The following GLYAT variants were observed in gnomAD, a reference collection of about 807,000 sequenced individuals.
GLYAT encodes the protein glycine N-acyltransferase.
GLYAT carries 25 observed loss-of-function variants against 22.8 expected under a neutral mutation model. That is an observed-to-expected ratio of 1.09 (90% CI 0.80 to 1.53). The LOEUF (loss-of-function observed/expected upper bound fraction) is 1.53, where lower values mean the gene tolerates loss of function less well. Among genes scored for constraint, GLYAT ranks in the 40% most tolerant of loss-of-function variants. The pLI, the probability that GLYAT is intolerant of heterozygous loss-of-function variation, is 0.00. For synonymous variants in GLYAT, 140 were observed against 122.7 expected, an observed-to-expected ratio of 1.14 and a Z score of -0.93; for missense variants, 411 against 353.9, an observed-to-expected ratio of 1.16 and a Z score of -1.29.
At chr11:58,724,871 C>T (rs1856796686) in intron 1 of GLYAT, among the ~76,000 whole-genome samples, 1 of 152,054 alleles carries the variant, frequency 6.6e-6, no homozygotes, top group South Asian at 2.1e-4. Flanking sequence ...CTCTCTGTAC[C>T]TTGGTTTCCT....
chr11:58,709,597 A>C lies in GLYAT; in HGVS notation c.*169T>G. On this transcript the variant is annotated 3_prime_UTR_variant, in exon 6 of 6. Coordinates refer to ENST00000344743, the MANE Select transcript of GLYAT (RefSeq NM_201648.3). ...CTGCTTCCCACTGAGAAACCTGTGA[A>C]TGCAGGGACCATGGCGATGCTGTTG... 1.5e-6 allele frequency: 1 copy of C among 645,460 alleles called. No individual in the cohort carries two copies. Among genetic ancestry groups the C allele is most frequent in the Non-Finnish European group, 2.5e-6 (1 of 394,782 alleles). The allele number at this position is 645,460 out of a possible 1,614,324, so 40.0% of individuals were successfully genotyped here.
intron 1 of GLYAT, among the ~76,000 whole-genome samples, chr11:58,729,597 A>G (rs986407467): frequency 6.6e-6 from 1 of 152,204 alleles, no homozygotes; most frequent in Non-Finnish European, 1.5e-5. Context: ...GAATGATTGA[A>G]TACATGAAAT....
intron 4 of GLYAT, among the ~76,000 whole-genome samples, chr11:58,712,459 C>A (rs1423028337): frequency 2.6e-5 from 4 of 152,026 alleles, no homozygotes; most frequent in Non-Finnish European, 5.9e-5. Context: ...GAATAGAAGT[C>A]CAGAGGGAAG....
chr11:58,721,483 C>CA (rs1283086788), intron 2 of GLYAT, among the ~76,000 whole-genome samples: 1 of 150,836 alleles, frequency 6.6e-6, no homozygotes, highest in African/African-American at 2.4e-5. Context: ...CAAAACAAAA[C>CA]AAAAAAACTT....
At chr11:58,720,652 A>G (rs1856738066) in intron 2 of GLYAT, among the ~76,000 whole-genome samples, 1 of 152,048 alleles carries the variant, frequency 6.6e-6, no homozygotes, top group Non-Finnish European at 1.5e-5. Flanking sequence ...CAGGATTAGA[A>G]GTTATGGTGA....
intron 1 of GLYAT, among the ~76,000 whole-genome samples, chr11:58,730,316 A>T (rs1443690412): frequency 2.0e-5 from 3 of 152,110 alleles, no homozygotes; most frequent in Admixed American, 2.0e-4. Flanking sequence ...TCTCTACAAA[A>T]ATAAAAATTA....
chr11:58,720,858 T>C (rs1202436834), intron 2 of GLYAT, among the ~76,000 whole-genome samples: 1 of 152,000 alleles, frequency 6.6e-6, no homozygotes, highest in African/African-American at 2.4e-5. Flanking sequence ...GCAAACAAAA[T>C]GTATGCTGGT....
intron 2 of GLYAT, among the ~76,000 whole-genome samples, chr11:58,719,444 C>A (rs608998): frequency 0.97 from 147,661 of 152,068 alleles, 71,805 homozygotes; most frequent in African/African-American, 0.99. Flanking sequence ...TGTTAATCTG[C>A]CACAGGGGTC....
At chr11:58,710,370 C>T (rs1856598695) in intron 5 of GLYAT, 1 of 882,600 alleles carries the variant, frequency 1.1e-6, no homozygotes, top group Admixed American at 2.9e-5. Flanking sequence ...AATAAAGGTC[C>T]AAGTGGTAGC....
intron 2 of GLYAT, among the ~76,000 whole-genome samples, chr11:58,722,377 A>C (rs929381697): frequency 1.3e-5 from 2 of 152,068 alleles, no homozygotes; most frequent in African/African-American, 4.8e-5. Flanking sequence ...CCATGTGCCC[A>C]AGGTGGTCAG....
In GLYAT at chr11:58,712,891, TATC is replaced by T. The variant is rs976754347; in HGVS notation, c.190-8_190-6del. 7 of 1,578,390 alleles carry T rather than the reference TATC, an allele frequency of 4.4e-6. No individual in the cohort carries two copies. The African/African-American group carries it at 9.4e-5, about 21-fold the overall frequency. On this transcript the variant is annotated splice_region_variant and splice_polypyrimidine_tract_variant and intron_variant, in intron 3 of 5. Transcript: ENST00000344743. The stretch of plus-strand genomic sequence containing the variant: ...ATCAAGGTCATCTGTCATATCCTGT[TATC>T]ATTAGGAAAAAGGAAATAAAACACA...
intron 4 of GLYAT, 70 bp downstream of exon 4, chr11:58,712,690 G>T: frequency 1.2e-5 from 16 of 1,328,804 alleles, no homozygotes; most frequent in Non-Finnish European, 1.6e-5. Flanking sequence ...GAGGAAGGAG[G>T]TATAAGTCAT....
intron 2 of GLYAT, among the ~76,000 whole-genome samples, chr11:58,719,563 C>A (rs1856724195): frequency 6.6e-6 from 1 of 151,970 alleles, no homozygotes; most frequent in Non-Finnish European, 1.5e-5. Context: ...ACATGCCCAA[C>A]TCCTCCATGA....
At position 58,724,419 on chromosome 11, in the gene GLYAT, T is replaced by G. The variant is rs542419488; in HGVS notation, c.78A>C (p.Leu26Phe). The G allele has an allele frequency of 6.3e-7, 1 of 1,581,706 alleles. No homozygotes were observed. Among genetic ancestry groups the G allele is most frequent in the East Asian group, 2.2e-5 (1 of 44,618 alleles). ...KSLRKSLPAS[L>F]KVYGTVFHIN... is the part of the protein sequence containing the mutation. ...TCTCAGAATTTTCCATTATCACCTT[T>G]AAGGATGCTGGGAGGCTCTTCCTCA... is the stretch of plus-strand genomic sequence containing the variant. The change falls in exon 2 of 6, where the codon TTA (leucine) becomes TTC (phenylalanine). Residue 26 changes from leucine (L) to phenylalanine (F), a missense_variant. Coordinates refer to ENST00000344743, the MANE Select transcript of GLYAT (RefSeq NM_201648.3).
intron 2 of GLYAT, among the ~76,000 whole-genome samples, chr11:58,718,067 A>G (rs906074489): frequency 6.6e-6 from 1 of 152,020 alleles, no homozygotes; most frequent in African/African-American, 2.4e-5. Flanking sequence ...CACAAAATAT[A>G]TGGACATTTT....
rs1032847608 is a variant in GLYAT, at chr11:58,708,918, G to C, written c.*848C>G. ...AATTGGACAAGCAGGTGTTCATGCT[G>C]TCTCCTCTCCCTTCAACTCCTATCT... On this transcript the variant is annotated 3_prime_UTR_variant, in exon 6 of 6. Transcript: ENST00000344743. The C allele has an allele frequency of 6.6e-6, 1 of 152,132 alleles. No homozygotes were observed. Among genetic ancestry groups the C allele is most frequent in the Non-Finnish European group, 1.5e-5 (1 of 68,008 alleles). The allele number at this position is 152,132 out of a possible 1,614,324, so 9.4% of individuals were successfully genotyped here.
chr11:58,714,109 T>A (rs1856649984), intron 3 of GLYAT, among the ~76,000 whole-genome samples: 1 of 152,028 alleles, frequency 6.6e-6, no homozygotes, highest in South Asian at 2.1e-4. Context: ...GTAAAAATGG[T>A]GAACTCATAG....
chr11:58,715,403 G>A lies in GLYAT; in HGVS notation c.102C>T (p.His34=), dbSNP rs768450855. The A allele has an allele frequency of 6.4e-6, 10 of 1,568,216 alleles. No homozygotes were observed. In the South Asian group the frequency reaches 7.8e-5, roughly 12 times the overall value. ...GATTGAATGGATTTCCATGGTTTATGTGAAAGACAGTTCCATAAACCTGCA... is the reference window on the plus strand; with the variant it reads ...GATTGAATGGATTTCCATGGTTTATATGAAAGACAGTTCCATAAACCTGCA... The part of the protein sequence containing the change: ...ASLKVYGTVF[H]INHGNPFNLK... The change falls in exon 3 of 6, where the codon CAC becomes CAT. Residue 34 remains histidine, a synonymous_variant. Coordinates refer to ENST00000344743, the MANE Select transcript of GLYAT (RefSeq NM_201648.3).
intron 1 of GLYAT, among the ~76,000 whole-genome samples, chr11:58,726,228 A>C (rs1856810580): frequency 6.6e-6 from 1 of 152,084 alleles, no homozygotes; most frequent in South Asian, 2.1e-4. Flanking sequence ...TGCCCTACTC[A>C]TGCCTGACTA....
Sources: gnomAD v4.1 joint callset for allele counts (sites outside exome capture counted in the v4.1 genomes callset) on GRCh38, gnomAD v4.1.1 for gene constraint, MANE v1.5 for transcripts, NCBI Gene and HGNC (gene_info 2026-07-23, HGNC 2026-07-21) for gene names.